Variants in MAN2A1 observed in about 807,000 individuals in gnomAD.
The protein encoded by MAN2A1 is mannosidase alpha class 2A member 1.
A neutral mutation model predicts 142.6 loss-of-function variants in MAN2A1; 76 were observed. That is an observed-to-expected ratio of 0.53 (90% CI 0.44 to 0.65). The LOEUF is 0.65. Among genes scored for constraint, MAN2A1 ranks in the 30% least tolerant of loss-of-function variants. MAN2A1 has a pLI of 0.00. For synonymous variants in MAN2A1, 559 were observed against 473.2 expected (o/e 1.18, Z -2.35); for missense variants, 1,311 against 1,365.1 (o/e 0.96, Z 0.62).
At chr5:109,769,632 A>C (rs989433610) in intron 6 of MAN2A1, among the ~76,000 whole-genome samples, 1 of 152,190 alleles carries the variant, frequency 6.6e-6, no homozygotes, top group Non-Finnish European at 1.5e-5. Flanking sequence ...AGTTTTAATT[A>C]AAAGTAATTC....
intron 12 of MAN2A1, among the ~76,000 whole-genome samples, chr5:109,790,295 T>G (rs980672832): frequency 5.9e-5 from 9 of 151,950 alleles, no homozygotes; most frequent in African/African-American, 2.2e-4. Flanking sequence ...TTATTTCAAC[T>G]AAATATATTT....
chr5:109,742,336 G>A (rs1228550163), intron 4 of MAN2A1, among the ~76,000 whole-genome samples: 2 of 152,198 alleles, frequency 1.3e-5, no homozygotes, highest in African/African-American at 2.4e-5. Context: ...GTGCTGAGAT[G>A]AAGGTACCAT....
At chr5:109,740,405 G>A (rs1752233811) in intron 4 of MAN2A1, among the ~76,000 whole-genome samples, 1 of 152,198 alleles carries the variant, frequency 6.6e-6, no homozygotes, top group Admixed American at 6.5e-5. Context: ...CTTTGTTTTT[G>A]TGTGGCCTGT....
At chr5:109,799,586 C>T (rs1030440820) in intron 12 of MAN2A1, among the ~76,000 whole-genome samples, 5 of 151,792 alleles carry the variant, frequency 3.3e-5, no homozygotes, top group South Asian at 2.1e-4. Context: ...GAAACCCCAT[C>T]TCTACTAAAA....
chr5:109,727,093 A>T (rs1751766156), intron 3 of MAN2A1, among the ~76,000 whole-genome samples: 1 of 152,220 alleles, frequency 6.6e-6, no homozygotes, highest in Non-Finnish European at 1.5e-5. Flanking sequence ...ATTTGATAAA[A>T]TAAATTCTTC....
intron 4 of MAN2A1, among the ~76,000 whole-genome samples, chr5:109,747,541 A>G (rs189057266): frequency 6.6e-6 from 1 of 152,220 alleles, no homozygotes; most frequent in East Asian, 1.9e-4. Context: ...GTTTGTATCC[A>G]TGATCTCTAT....
At chr5:109,829,827 G>A (rs1341721631) in intron 16 of MAN2A1, among the ~76,000 whole-genome samples, 1 of 152,194 alleles carries the variant, frequency 6.6e-6, no homozygotes, top group African/African-American at 2.4e-5. Context: ...TCTTCAGTTA[G>A]AGCAGGAGCA....
intron 12 of MAN2A1, among the ~76,000 whole-genome samples, chr5:109,791,340 CA>C (rs1753732294): frequency 6.6e-6 from 1 of 152,016 alleles, no homozygotes; most frequent in East Asian, 1.9e-4. Context: ...TTGTTAGCTG[CA>C]AATTATTTTA....
intron 12 of MAN2A1, 51 bp from the exon 13 acceptor site, chr5:109,817,222 A>G: frequency 3.9e-6 from 6 of 1,541,202 alleles, no homozygotes; most frequent in Non-Finnish European, 5.4e-6. Context: ...ATGTATATGT[A>G]AGAAGTAAAA....
intron 8 of MAN2A1, among the ~76,000 whole-genome samples, chr5:109,779,010 C>T (rs896141983): frequency 6.6e-6 from 1 of 151,988 alleles, no homozygotes; most frequent in Admixed American, 6.6e-5. Flanking sequence ...AAGTTGTTGC[C>T]TTTTAATGTA....
In MAN2A1 at chr5:109,823,734, C is replaced by T. The variant is rs1276233220; in HGVS notation, c.2463C>T (p.Tyr821=). The change falls in exon 16 of 22, where the codon TAC becomes TAT. Residue 821 remains tyrosine, a synonymous_variant. Transcript: ENST00000261483. ...LPDGNAKPYV[Y]TTPPFVRVTH... is the part of the protein sequence containing the mutation. ...TATTTTCTTTTCAGCCTTATGTTTA[C>T]ACAACACCGCCCTTTGTCAGAGTGA... is the stretch of plus-strand genomic sequence containing the variant. 1 of 1,592,776 alleles carries T rather than the reference C, an allele frequency of 6.3e-7. No homozygotes were observed. Among genetic ancestry groups the T allele is most frequent in the East Asian group, 2.2e-5 (1 of 44,514 alleles).
At position 109,783,606 on chromosome 5, in the gene MAN2A1, A is replaced by G. The variant is rs552531814; in HGVS notation, c.1578-1138A>G. ...AAATGCATCATTTTACAAACAAAGTATTTCTAGTGTCTCCTCTTTTCTGAA... is the reference window on the plus strand; with the variant it reads ...AAATGCATCATTTTACAAACAAAGTGTTTCTAGTGTCTCCTCTTTTCTGAA... On this transcript the variant is annotated intron_variant, in intron 9 of 21. Coordinates refer to ENST00000261483, the MANE Select transcript of MAN2A1 (RefSeq NM_002372.4). 1.1e-4 allele frequency among the ~76,000 whole-genome samples: 16 copies of G among 152,232 alleles called. 1 individual carries two copies. The highest frequency in any genetic ancestry group is 3.6e-4 in the African/African-American group (15 of 41,544).
chr5:109,749,744 A>G (rs1022428028), intron 4 of MAN2A1, among the ~76,000 whole-genome samples: 62 of 152,116 alleles, frequency 4.1e-4, no homozygotes, highest in African/African-American at 1.3e-3. Context: ...TTAAATTTTA[A>G]TTTAAATTCT....
intron 20 of MAN2A1, chr5:109,862,575 TA>T (rs1755783213): frequency 6.6e-6 from 1 of 152,232 alleles, no homozygotes; most frequent in Non-Finnish European, 1.5e-5. Context: ...TTAATGAATG[TA>T]AAAGCAGTTC....
intron 12 of MAN2A1, among the ~76,000 whole-genome samples, chr5:109,790,520 C>G (rs1198380089): frequency 6.6e-6 from 1 of 151,756 alleles, no homozygotes; most frequent in Non-Finnish European, 1.5e-5. Context: ...ACGGCAGAAG[C>G]CTTAGGAGCT....
At chr5:109,738,216 T>G (rs1373515925) in intron 4 of MAN2A1, among the ~76,000 whole-genome samples, 3 of 150,236 alleles carry the variant, frequency 2.0e-5, no homozygotes, top group Non-Finnish European at 4.4e-5. Context: ...TCAGCTTTTA[T>G]TTTTTGGGTA....
chr5:109,718,213 A>C (rs1034281507), intron 3 of MAN2A1, among the ~76,000 whole-genome samples: 4 of 152,158 alleles, frequency 2.6e-5, no homozygotes, highest in Admixed American at 2.6e-4. Flanking sequence ...ATATACTTCA[A>C]AGTGTGTCTT....
intron 17 of MAN2A1, among the ~76,000 whole-genome samples, chr5:109,844,800 A>G (rs1755305269): frequency 6.6e-6 from 1 of 152,126 alleles, no homozygotes; most frequent in Non-Finnish European, 1.5e-5. Flanking sequence ...GTCTGTGTCC[A>G]AATTTCTCTC....
intron 16 of MAN2A1, among the ~76,000 whole-genome samples, chr5:109,835,333 T>C (rs1755028916): frequency 6.6e-6 from 1 of 152,212 alleles, no homozygotes; most frequent in Non-Finnish European, 1.5e-5. Context: ...TCCTCTCTGC[T>C]CAGACACAGA....
Sources: gnomAD v4.1 joint callset for allele counts (sites outside exome capture counted in the v4.1 genomes callset) on GRCh38, gnomAD v4.1.1 for gene constraint, MANE v1.5 for transcripts, NCBI Gene and HGNC (gene_info 2026-07-23, HGNC 2026-07-21) for gene names.